The following KCNH8 variants were observed in gnomAD, a reference collection of about 807,000 sequenced individuals.
KCNH8 encodes voltage-gated delayed rectifier potassium channel KCNH8.
In KCNH8, 70 loss-of-function variants were observed where a neutral mutation model predicts 103.6. The ratio of observed to expected loss-of-function variants is 0.68; its 90% CI spans 0.56 to 0.82. The LOEUF (loss-of-function observed/expected upper bound fraction) is 0.82, where lower values mean the gene tolerates loss of function less well. Among genes scored for constraint, KCNH8 ranks in the 40% least tolerant of loss-of-function variants. KCNH8 has a pLI of 0.00. For missense variants in KCNH8, 1,217 were observed against 1,329.9 expected (o/e 0.92, Z 1.32); for synonymous variants, 498 against 489.4 (o/e 1.02, Z -0.23).
At chr3:19,315,903 T>C (rs1488336954) in intron 3 of KCNH8, among the ~76,000 whole-genome samples, 1 of 152,012 alleles carries the variant, frequency 6.6e-6, no homozygotes, top group Non-Finnish European at 1.5e-5. Flanking sequence ...TCTCTAAAGA[T>C]GTTAGAAACT....
chr3:19,387,557 T>C lies in KCNH8; in HGVS notation c.812-2924T>C, dbSNP rs1483471627. Among the ~76,000 whole-genome samples the C allele has an allele frequency of 2.0e-5, 3 of 152,110 alleles. No individual in the cohort carries two copies. In the East Asian group the frequency reaches 5.8e-4, roughly 29 times the overall value. On this transcript the variant is annotated intron_variant, in intron 5 of 15. Transcript: ENST00000328405. ...TCTGTTCTTATAAGTACGACAAAAG[T>C]AGTTGTTCGCTTTGAAATCAGTTAC... is the stretch of plus-strand genomic sequence containing the variant.
At chr3:19,479,002 TA>T (rs1224960904) in intron 11 of KCNH8, among the ~76,000 whole-genome samples, 1 of 152,180 alleles carries the variant, frequency 6.6e-6, no homozygotes, top group Non-Finnish European at 1.5e-5. Context: ...TTTAGAACAT[TA>T]TTGTTAACCC....
At chr3:19,444,642 A>G (rs1319807586) in intron 8 of KCNH8, among the ~76,000 whole-genome samples, 3 of 151,974 alleles carry the variant, frequency 2.0e-5, no homozygotes, top group Non-Finnish European at 4.4e-5. Context: ...CTGTTAAATC[A>G]ATAAGAAAAA....
chr3:19,237,598 A>G (rs993450844), intron 1 of KCNH8, among the ~76,000 whole-genome samples: 3 of 152,242 alleles, frequency 2.0e-5, no homozygotes, highest in Non-Finnish European at 2.9e-5. Context: ...GTACAGAGGC[A>G]AACACAAATG....
chr3:19,252,540 C>T (rs138162561), intron 1 of KCNH8, among the ~76,000 whole-genome samples: 6,341 of 151,970 alleles, frequency 0.042, 459 homozygotes, highest in African/African-American at 0.14. Flanking sequence ...CAGGGGCCCA[C>T]CACCATGCCG....
chr3:19,227,512 G>T (rs921369073), intron 1 of KCNH8, among the ~76,000 whole-genome samples: 3 of 152,158 alleles, frequency 2.0e-5, no homozygotes, highest in Admixed American at 6.5e-5. Context: ...CTTTATTTCT[G>T]TGAAAGTGTT....
chr3:19,175,411 C>T (rs1413015637), intron 1 of KCNH8, among the ~76,000 whole-genome samples: 1 of 151,992 alleles, frequency 6.6e-6, no homozygotes, highest in Non-Finnish European at 1.5e-5. Flanking sequence ...TTAGTAGAGA[C>T]AGGGTTTCAC....
chr3:19,513,449 T>C (rs2068822181), intron 13 of KCNH8, 124 bp downstream of exon 13: 2 of 1,368,076 alleles, frequency 1.5e-6, no homozygotes, highest in Admixed American at 5.2e-5. Flanking sequence ...TCCTCAGCTT[T>C]TCTGAGTTTT....
intron 7 of KCNH8, among the ~76,000 whole-genome samples, chr3:19,421,034 A>C (rs894851675): frequency 2.6e-5 from 4 of 152,160 alleles, no homozygotes; most frequent in African/African-American, 9.7e-5. Flanking sequence ...ACTGCAATTC[A>C]TTGTCACTGC....
chr3:19,280,855 G>A (rs1269715108), intron 2 of KCNH8, among the ~76,000 whole-genome samples: 2 of 152,106 alleles, frequency 1.3e-5, no homozygotes, highest in East Asian at 3.9e-4. Flanking sequence ...AGTGTGTGCT[G>A]GGGGTGGGAA....
intron 3 of KCNH8, among the ~76,000 whole-genome samples, chr3:19,283,180 A>G (rs2064779672): frequency 6.6e-6 from 1 of 152,202 alleles, no homozygotes; most frequent in Non-Finnish European, 1.5e-5. Flanking sequence ...TCGCACTAGT[A>G]GAGCTGCTGG....
chr3:19,255,729 G>A (rs1477976900), intron 2 of KCNH8, among the ~76,000 whole-genome samples: 2 of 151,818 alleles, frequency 1.3e-5, no homozygotes, highest in Non-Finnish European at 2.9e-5. Context: ...TGTTGCTAAA[G>A]TTTATTTACT....
intron 3 of KCNH8, among the ~76,000 whole-genome samples, chr3:19,322,712 G>A (rs2065366192): frequency 6.6e-6 from 1 of 152,108 alleles, no homozygotes; most frequent in African/African-American, 2.4e-5. Flanking sequence ...GGTTTTCTTT[G>A]AGAATCTTGT....
intron 3 of KCNH8, among the ~76,000 whole-genome samples, chr3:19,286,691 A>G (rs2064836984): frequency 6.6e-6 from 1 of 152,224 alleles, no homozygotes. Flanking sequence ...TAGATTACTT[A>G]TAATGCCCAA....
At chr3:19,512,560 T>G (rs2068800520) in intron 12 of KCNH8, among the ~76,000 whole-genome samples, 1 of 152,164 alleles carries the variant, frequency 6.6e-6, no homozygotes, top group African/African-American at 2.4e-5. Flanking sequence ...CCCTGTAATT[T>G]TAAATAACAA....
At chr3:19,450,069 A>G (rs776608835) in intron 8 of KCNH8, 37 bp from the exon 9 acceptor site, 4 of 1,570,370 alleles carry the variant, frequency 2.5e-6, no homozygotes, top group Admixed American at 3.4e-5. Flanking sequence ...CTCATGTCAC[A>G]TTTCTCTTCC....
chr3:19,523,726 C>T (rs2069012773), intron 15 of KCNH8, among the ~76,000 whole-genome samples: 2 of 151,832 alleles, frequency 1.3e-5, no homozygotes, highest in African/African-American at 4.8e-5. Context: ...TTTTGTATAT[C>T]CTAAAAGAAA....
At chr3:19,179,841 G>A (rs935058300) in intron 1 of KCNH8, among the ~76,000 whole-genome samples, 1 of 152,096 alleles carries the variant, frequency 6.6e-6, no homozygotes, top group African/African-American at 2.4e-5. Context: ...TTATGTAAAT[G>A]ACATTCGTGG....
intron 1 of KCNH8, among the ~76,000 whole-genome samples, chr3:19,242,135 A>T (rs1279892406): frequency 1.3e-5 from 2 of 152,196 alleles, no homozygotes; most frequent in African/African-American, 4.8e-5. Flanking sequence ...CAGGCCATGA[A>T]AGAGGTAGTT....
Sources: allele counts gnomAD v4.1 joint callset (sites outside exome capture counted in the v4.1 genomes callset), GRCh38; gene constraint gnomAD v4.1.1; transcripts MANE v1.5; gene names NCBI Gene and HGNC (gene_info 2026-07-23, HGNC 2026-07-21).